SH3RF2: variants seen among roughly 807,000 people sequenced by gnomAD.
The protein encoded by SH3RF2 is SH3 domain containing ring finger 2.
In SH3RF2, 43 loss-of-function variants were observed where a neutral mutation model predicts 59.0. The ratio of observed to expected loss-of-function variants is 0.73; its 90% CI spans 0.57 to 0.94. The LOEUF (loss-of-function observed/expected upper bound fraction) is 0.94. SH3RF2 is among the 40% of genes least tolerant of loss of function. The probability of loss-of-function intolerance (pLI) is 0.00; values close to 1 mark genes in which losing one functional copy is unlikely to be tolerated. For missense variants in SH3RF2, 930 were observed against 940.1 expected (o/e 0.99, Z 0.14); for synonymous variants, 391 against 391.5 (o/e 1.00, Z 0.01).
intron 2 of SH3RF2, among the ~76,000 whole-genome samples, chr5:145,951,562 A>G (rs1441556022): frequency 6.6e-6 from 1 of 152,146 alleles, no homozygotes; most frequent in African/African-American, 2.4e-5. Context: ...CAGTCCTCTC[A>G]CTGACTTCCC....
intron 2 of SH3RF2, among the ~76,000 whole-genome samples, chr5:145,946,308 A>G (rs532822530): frequency 2.0e-5 from 3 of 152,316 alleles, no homozygotes; most frequent in East Asian, 1.9e-4. Flanking sequence ...TCCGAGTACA[A>G]ACAAAACAGG....
In SH3RF2 at chr5:146,013,975, A is replaced by C. The variant is rs776105209; in HGVS notation, c.973A>C (p.Thr325Pro). The C allele has an allele frequency of 1.2e-6, 2 of 1,613,828 alleles. No individual in the cohort carries two copies. The highest frequency in any genetic ancestry group is 8.5e-7 in the Non-Finnish European group (1 of 1,179,988). The change falls in exon 5 of 10, where the codon ACC becomes CCC. Residue 325 changes from threonine (T) to proline (P), a missense_variant. By Grantham distance (38) the Thr-to-Pro change is conservative (BLOSUM62 -1). Coordinates refer to ENST00000359120, the MANE Select transcript of SH3RF2 (RefSeq NM_152550.4). ...PSGRHMVEISTPVLISSSNPS... is the reference protein window; with the variant it reads ...PSGRHMVEISPPVLISSSNPS... ...AGGGCGCCATATGGTAGAGATCAGC[A>C]CCCCAGTGCTCATCAGCTCCAGCAA...
intron 4 of SH3RF2, 128 bp from the exon 5 acceptor site, chr5:146,013,619 G>T: frequency 1.1e-6 from 1 of 898,716 alleles, no homozygotes; most frequent in Non-Finnish European, 1.7e-6. Flanking sequence ...GCTCACCAAG[G>T]AATGAGCATC....
chr5:146,002,513 G>GAAGGAAGGAAGGAAGGAAGGAAGGAAGA (rs1561734903), intron 3 of SH3RF2, among the ~76,000 whole-genome samples: 3 of 150,630 alleles, frequency 2.0e-5, no homozygotes, highest in African/African-American at 7.4e-5. Context: ...AGGAAGGAAG[G>GAAGGAAGGAAGGAAGGAAGGAAGGAAGA]AAGGAAGGAA....
intron 2 of SH3RF2, among the ~76,000 whole-genome samples, chr5:145,977,978 G>A (rs1561720229): frequency 1.3e-5 from 2 of 152,252 alleles, no homozygotes; most frequent in South Asian, 2.1e-4. Flanking sequence ...GTTTAGATGG[G>A]ATTTGAAAGC....
chr5:146,046,180 T>A (rs1377043118), intron 5 of SH3RF2, among the ~76,000 whole-genome samples: 2 of 152,176 alleles, frequency 1.3e-5, no homozygotes, highest in Non-Finnish European at 2.9e-5. Flanking sequence ...CAATCCTTTA[T>A]ACAATTGTGT....
chr5:146,017,440 C>T (rs987238851), intron 5 of SH3RF2, among the ~76,000 whole-genome samples: 15 of 152,084 alleles, frequency 9.9e-5, no homozygotes, highest in East Asian at 1.9e-4. Context: ...GGATCCTGCT[C>T]GCCCTCTGCC....
chr5:146,052,309 A>C (rs1762529447), intron 7 of SH3RF2, among the ~76,000 whole-genome samples: 1 of 152,102 alleles, frequency 6.6e-6, no homozygotes, highest in Admixed American at 6.5e-5. Flanking sequence ...AGTGTATTTC[A>C]AGGCTCCAGT....
chr5:145,977,660 A>T lies in SH3RF2; in HGVS notation c.379-22398A>T, dbSNP rs534082031. On this transcript the variant is annotated intron_variant, in intron 2 of 9. Coordinates refer to ENST00000359120, the MANE Select transcript of SH3RF2 (RefSeq NM_152550.4). ...TCCCCATATGGCTGGTCCTATTACT[A>T]TCAGCTTGCTGAGATGTCACAGCTA... 9.2e-5 allele frequency among the ~76,000 whole-genome samples: 14 copies of T among 152,320 alleles called. 1 individual carries two copies. Among genetic ancestry groups the T allele is most frequent in the Non-Finnish European group, 1.5e-4 (10 of 68,024 alleles).
chr5:146,012,841 G>A (rs1760959775), intron 4 of SH3RF2, among the ~76,000 whole-genome samples: 1 of 152,112 alleles, frequency 6.6e-6, no homozygotes, highest in Non-Finnish European at 1.5e-5. Flanking sequence ...ACACAGTGGT[G>A]TACTGGAGTT....
chr5:145,972,645 GA>G (rs1759133157), intron 2 of SH3RF2, among the ~76,000 whole-genome samples: 1 of 152,226 alleles, frequency 6.6e-6, no homozygotes, highest in Non-Finnish European at 1.5e-5. Flanking sequence ...AGTGTCACAG[GA>G]AGAGCAAGTG....
chr5:146,048,977 C>A, intron 6 of SH3RF2, 98 bp from the exon 7 acceptor site: 2 of 1,425,658 alleles, frequency 1.4e-6, no homozygotes, highest in South Asian at 1.2e-5. Flanking sequence ...GTTCTTATTG[C>A]TAACCACTGG....
intron 5 of SH3RF2, among the ~76,000 whole-genome samples, chr5:146,031,667 G>C (rs1425950323): frequency 6.6e-6 from 1 of 152,170 alleles, no homozygotes; most frequent in Non-Finnish European, 1.5e-5. Context: ...ATTTTGCCTT[G>C]CTTGCTCTTG....
chr5:145,955,685 G>T (rs1758370012), intron 2 of SH3RF2, among the ~76,000 whole-genome samples: 3 of 152,166 alleles, frequency 2.0e-5, no homozygotes, highest in Non-Finnish European at 4.4e-5. Flanking sequence ...TGTCCTGTCG[G>T]AAGGGCATTA....
intron 2 of SH3RF2, among the ~76,000 whole-genome samples, chr5:145,983,595 G>A (rs1318115394): frequency 1.3e-5 from 2 of 152,156 alleles, no homozygotes; most frequent in African/African-American, 4.8e-5. Flanking sequence ...GCTGCTGAGA[G>A]CTGCTTTCTT....
At position 146,004,150 on chromosome 5, in the gene SH3RF2, A is replaced by G; in HGVS notation, c.741A>G (p.Val247=). 6.2e-7 allele frequency: 1 copy of G among 1,611,202 alleles called. No homozygotes were observed. The highest frequency in any genetic ancestry group is 1.7e-4 in the Middle Eastern group (1 of 6,036). Residue 247 remains valine (V), a synonymous_variant, in exon 4 of 10, where the codon GTA becomes GTG. Transcript: ENST00000359120. ...TAGGCATCTTCCCTATCTTGTTTGT[A>G]GAGGTACGTGAGTATCAAGTCTACA... ...DKVGIFPILF[V]EPNLTARHLL... is the part of the protein sequence containing the mutation.
chr5:146,046,720 G>A (rs1762316661), intron 5 of SH3RF2, among the ~76,000 whole-genome samples: 1 of 152,086 alleles, frequency 6.6e-6, no homozygotes, highest in Non-Finnish European at 1.5e-5. Context: ...AAATAAGCAA[G>A]GCAATATGTT....
chr5:145,996,934 A>G (rs1414004586), intron 2 of SH3RF2, among the ~76,000 whole-genome samples: 1 of 152,218 alleles, frequency 6.6e-6, no homozygotes, highest in Non-Finnish European at 1.5e-5. Flanking sequence ...CCTAGATTAA[A>G]TGAGATGATC....
chr5:146,048,002 G>A, intron 6 of SH3RF2, 139 bp downstream of exon 6: 1 of 796,748 alleles, frequency 1.3e-6, no homozygotes. Flanking sequence ...CCACTTCCAA[G>A]TGAAATAATG....
Sources: allele counts gnomAD v4.1 joint callset (sites outside exome capture counted in the v4.1 genomes callset), GRCh38; gene constraint gnomAD v4.1.1; transcripts MANE v1.5; gene names NCBI Gene and HGNC (gene_info 2026-07-23, HGNC 2026-07-21).